RAB3IP: variants seen among roughly 807,000 people sequenced by gnomAD.
The protein encoded by RAB3IP is rab-3A-interacting protein.
A neutral mutation model predicts 59.1 loss-of-function variants in RAB3IP; 36 were observed. That is an observed-to-expected ratio of 0.61 (90% CI 0.47 to 0.80). RAB3IP has a LOEUF of 0.80. Ranked by LOEUF, RAB3IP falls within the 30% of genes least tolerant of loss-of-function variation. The pLI is 0.00. For missense variants in RAB3IP, 511 were observed against 536.0 expected, an observed-to-expected ratio of 0.95 and a Z score of 0.46; for synonymous variants, 207 against 191.2, an observed-to-expected ratio of 1.08 and a Z score of -0.68.
At chr12:69,802,831 G>A (rs1878605046) in intron 8 of RAB3IP, among the ~76,000 whole-genome samples, 1 of 152,178 alleles carries the variant, frequency 6.6e-6, no homozygotes, top group Non-Finnish European at 1.5e-5. Context: ...ACCATTTGTT[G>A]GAGGGTTCCT....
intron 4 of RAB3IP, among the ~76,000 whole-genome samples, chr12:69,792,050 G>A (rs919006996): frequency 1.3e-5 from 2 of 152,158 alleles, no homozygotes; most frequent in African/African-American, 4.8e-5. Flanking sequence ...AGTGAAATAA[G>A]CAAGACAGAA....
At chr12:69,741,838 A>G (rs1361739296) in intron 1 of RAB3IP, among the ~76,000 whole-genome samples, 1 of 152,234 alleles carries the variant, frequency 6.6e-6, no homozygotes, top group African/African-American at 2.4e-5. Context: ...TAATCACTAC[A>G]TTATCACTTC....
At chr12:69,757,904 T>G (rs1870487776) in intron 3 of RAB3IP, among the ~76,000 whole-genome samples, 1 of 152,248 alleles carries the variant, frequency 6.6e-6, no homozygotes, top group Non-Finnish European at 1.5e-5. Flanking sequence ...CAGAACAGAT[T>G]GCTAATTTCT....
intron 4 of RAB3IP, among the ~76,000 whole-genome samples, chr12:69,790,074 G>A (rs548512790): frequency 2.4e-3 from 365 of 152,258 alleles, no homozygotes; most frequent in African/African-American, 8.6e-3. Context: ...TGGAATGTTA[G>A]AGCAATCAGT....
chr12:69,809,267 C>T (rs1351123532), intron 8 of RAB3IP, among the ~76,000 whole-genome samples: 1 of 152,158 alleles, frequency 6.6e-6, no homozygotes, highest in African/African-American at 2.4e-5. Flanking sequence ...GCCGAGAGAT[C>T]AGCTGTTAGT....
At chr12:69,807,874 C>T (rs969097878) in intron 8 of RAB3IP, among the ~76,000 whole-genome samples, 2 of 150,558 alleles carry the variant, frequency 1.3e-5, no homozygotes, top group African/African-American at 4.9e-5. Flanking sequence ...GACGGGGCGG[C>T]CGGGCGGAGA....
In RAB3IP at chr12:69,816,480, AC is replaced by A. The variant is rs1881154266; in HGVS notation, c.*1036del. The A allele has an allele frequency of 6.6e-6, 1 of 152,134 alleles. No homozygotes were observed. Among genetic ancestry groups the A allele is most frequent in the African/African-American group, 2.4e-5 (1 of 41,432 alleles). The allele number at this position is 152,134 out of a possible 1,614,324, so 9.4% of individuals were successfully genotyped here. On this transcript the variant is annotated 3_prime_UTR_variant, in exon 11 of 11. Coordinates refer to ENST00000247833, the MANE Select transcript of RAB3IP (RefSeq NM_022456.5). ...AGTAGGCTTTTTTTTTGCTTTTTAA[AC>A]CTAAACATTAAATATATTTTCCCTT...
intron 1 of RAB3IP, among the ~76,000 whole-genome samples, chr12:69,740,683 A>G (rs750003198): frequency 1.3e-5 from 2 of 152,196 alleles, no homozygotes; most frequent in Non-Finnish European, 2.9e-5. Flanking sequence ...GCAGTTATCC[A>G]TATGTTTCCT....
chr12:69,741,423 T>A (rs1403876446), intron 1 of RAB3IP, among the ~76,000 whole-genome samples: 1 of 152,256 alleles, frequency 6.6e-6, no homozygotes, highest in Non-Finnish European at 1.5e-5. Context: ...ATTCCTGGTC[T>A]GCACCTTCTA....
intron 6 of RAB3IP, among the ~76,000 whole-genome samples, chr12:69,797,574 CA>C (rs1418361755): frequency 7.1e-6 from 1 of 141,746 alleles, no homozygotes; most frequent in Non-Finnish European, 1.5e-5. Context: ...GCACAATGTG[CA>C]GGTTAGTTAC....
At chr12:69,778,415 C>T (rs1237126984) in intron 3 of RAB3IP, among the ~76,000 whole-genome samples, 5 of 129,732 alleles carry the variant, frequency 3.9e-5, no homozygotes, top group African/African-American at 1.5e-4. Flanking sequence ...TCTCTCAGCT[C>T]GTCAAAATCA....
At chr12:69,800,108 G>T (rs1037753685) in intron 6 of RAB3IP, 101 bp from the exon 7 acceptor site, 2 of 879,076 alleles carry the variant, frequency 2.3e-6, no homozygotes, top group Admixed American at 3.6e-5. Context: ...TAAATGAAGA[G>T]CTTTTTTTCA....
chr12:69,752,325 AT>A (rs1592451133), intron 1 of RAB3IP, among the ~76,000 whole-genome samples: 1 of 121,722 alleles, frequency 8.2e-6, no homozygotes. Context: ...AAAAAATTAT[AT>A]ATATATATTT....
intron 3 of RAB3IP, among the ~76,000 whole-genome samples, chr12:69,769,109 G>A (rs924063704): frequency 6.6e-6 from 1 of 152,148 alleles, no homozygotes; most frequent in Non-Finnish European, 1.5e-5. Flanking sequence ...CATGTTAGAT[G>A]TGTATTTCGC....
chr12:69,806,533 C>T (rs1325850330), intron 8 of RAB3IP, among the ~76,000 whole-genome samples: 4 of 137,200 alleles, frequency 2.9e-5, no homozygotes, highest in Admixed American at 7.3e-5. Context: ...TTCTTGCCTT[C>T]TGCTAGCTTT....
At chr12:69,756,329 C>A in intron 2 of RAB3IP, 76 bp from the exon 3 acceptor site, 3 of 1,480,068 alleles carry the variant, frequency 2.0e-6, no homozygotes, top group South Asian at 2.6e-5. Flanking sequence ...TAGTACAGTT[C>A]TAGAGCTGTG....
At chr12:69,788,941 T>C (rs760265842) in intron 4 of RAB3IP, among the ~76,000 whole-genome samples, 2 of 152,090 alleles carry the variant, frequency 1.3e-5, no homozygotes, top group Admixed American at 6.5e-5. Flanking sequence ...GATATCCTTT[T>C]GAACAACCTT....
intron 1 of RAB3IP, chr12:69,739,282 C>G (rs1887017051): frequency 6.6e-6 from 1 of 152,276 alleles, no homozygotes; most frequent in Admixed American, 6.5e-5. Context: ...CCCGGGTCAG[C>G]CGGCCGCCCC....
intron 3 of RAB3IP, among the ~76,000 whole-genome samples, chr12:69,771,941 T>G (rs980078233): frequency 1.3e-5 from 2 of 152,204 alleles, no homozygotes; most frequent in Non-Finnish European, 2.9e-5. Context: ...TTGTATGTCT[T>G]CTGAGAAATG....
Sources: gnomAD v4.1 joint callset for allele counts (sites outside exome capture counted in the v4.1 genomes callset) on GRCh38, gnomAD v4.1.1 for gene constraint, MANE v1.5 for transcripts, NCBI Gene and HGNC (gene_info 2026-07-23, HGNC 2026-07-21) for gene names.